Variants in PRRC2C observed in about 807,000 individuals in gnomAD.
PRRC2C encodes protein PRRC2C.
In PRRC2C, 72 loss-of-function variants were observed where a neutral mutation model predicts 317.2. The observed-to-expected ratio is 0.23, with a 90% CI of 0.19 to 0.28. PRRC2C has a LOEUF of 0.28. Among genes scored for constraint, PRRC2C ranks in the 10% least tolerant of loss-of-function variants. The pLI, the probability that PRRC2C is intolerant of heterozygous loss-of-function variation, is 1.00. For synonymous variants in PRRC2C, 1,296 were observed against 1,205.9 expected, an observed-to-expected ratio of 1.07 and a Z score of -1.55; for missense variants, 3,074 against 3,459.7, an observed-to-expected ratio of 0.89 and a Z score of 2.80.
At chr1:171,513,393 A>G (rs1156525199) in intron 3 of PRRC2C, 4 of 644,880 alleles carry the variant, frequency 6.2e-6, no homozygotes, top group Non-Finnish European at 8.4e-6. Flanking sequence ...GGGAATCACA[A>G]CCTTGCTTAT....
At chr1:171,492,738 T>TTTTATTTATTTA (rs58061201) in intron 1 of PRRC2C, among the ~76,000 whole-genome samples, 55,424 of 144,080 alleles carry the variant, frequency 0.38, 11,436 homozygotes, top group East Asian at 0.48. Flanking sequence ...ATTTTTTTAA[T>TTTTATTTATTTA]TTTATTTATT....
At chr1:171,508,928 C>T (rs1051599900) in intron 1 of PRRC2C, among the ~76,000 whole-genome samples, 1 of 151,792 alleles carries the variant, frequency 6.6e-6, no homozygotes, top group Non-Finnish European at 1.5e-5. Flanking sequence ...GCTCTGTCGC[C>T]CAGGCTGGAG....
intron 23 of PRRC2C, among the ~76,000 whole-genome samples, chr1:171,569,978 A>G (rs1454589612): frequency 6.6e-6 from 1 of 152,154 alleles, no homozygotes; most frequent in Non-Finnish European, 1.5e-5. Context: ...TAATGGAGCG[A>G]CTTATATACT....
intron 1 of PRRC2C, among the ~76,000 whole-genome samples, chr1:171,506,320 A>T (rs984517489): frequency 2.0e-5 from 3 of 152,088 alleles, no homozygotes; most frequent in Admixed American, 6.6e-5. Context: ...TTCTGCTGTT[A>T]TTCTGTTTCT....
Position 171,540,862 on chromosome 1 carries a change from A to G in PRRC2C, c.3396A>G (p.Pro1132=). The part of the protein sequence containing the change: ...KTVNQQTMAA[P]VVKEEKQPEK... ...TAAACCAACAGACTATGGCAGCACCAGTAGTCAAAGAAGAAAAACAACCTG... is the reference window on the plus strand; with the variant it reads ...TAAACCAACAGACTATGGCAGCACCGGTAGTCAAAGAAGAAAAACAACCTG... Residue 1132 remains proline (P), a synonymous_variant, in exon 16 of 35, where the codon CCA becomes CCG. Transcript: ENST00000647382. 6.2e-7 allele frequency: 1 copy of G among 1,613,722 alleles called. No individual in the cohort carries two copies. The highest frequency in any genetic ancestry group is 8.5e-7 in the Non-Finnish European group (1 of 1,179,800).
At chr1:171,503,489 A>G (rs1571618330) in intron 1 of PRRC2C, among the ~76,000 whole-genome samples, 1 of 151,660 alleles carries the variant, frequency 6.6e-6, no homozygotes, top group East Asian at 1.9e-4. Context: ...GCGCCACTGC[A>G]CTCCAGCTTG....
intron 2 of PRRC2C, 33 bp downstream of exon 2, chr1:171,512,233 A>G (rs754426584): frequency 4.2e-6 from 6 of 1,425,280 alleles, no homozygotes; most frequent in Non-Finnish European, 5.8e-6. Context: ...TATGTTTTTC[A>G]TGGTTTGTTT....
chr1:171,517,746 C>A lies in PRRC2C; in HGVS notation c.682C>A (p.Pro228Thr). 6.2e-7 allele frequency: 1 copy of A among 1,613,766 alleles called. No homozygotes were observed. Among genetic ancestry groups the A allele is most frequent in the Non-Finnish European group, 8.5e-7 (1 of 1,179,862 alleles). ...GGAAAAGAGGATAGCTTGTGGTCCT[C>A]CACAGGCTAAACTGAATGGACAGCA... ...VVEKRIACGP[P>T]QAKLNGQQAA... Residue 228 changes from proline (P) to threonine (T), a missense_variant, in exon 6 of 35, where the codon CCA becomes ACA. This residue lies in a region of PRRC2C where 237 missense variants were observed against 199.5 expected (regional missense o/e 1.19). Coordinates refer to ENST00000647382, the MANE Select transcript of PRRC2C (RefSeq NM_001387844.1).
rs1341290391 is a variant in PRRC2C at position 171,550,315 on chromosome 1, T to A, written c.5127+75T>A. On this transcript the variant is annotated intron_variant, in intron 18 of 34. Coordinates refer to ENST00000647382, the MANE Select transcript of PRRC2C (RefSeq NM_001387844.1). ...AAGTGTATCAGCAAATGTTCAAGGT[T>A]TTTATACTTGTCAAGGCTGTTTTCA... 5 of 1,324,964 alleles carry A rather than the reference T, an allele frequency of 3.8e-6. No individual in the cohort carries two copies. In the East Asian group the frequency reaches 1.3e-4, roughly 34 times the overall value. The allele number at this position is 1,324,964 out of a possible 1,614,324, so 82.1% of individuals were successfully genotyped here.
intron 1 of PRRC2C, chr1:171,511,654 G>A (rs904034412): frequency 1.3e-5 from 2 of 153,656 alleles, no homozygotes; most frequent in Non-Finnish European, 2.9e-5. Context: ...GAATGAAGAT[G>A]TTGTCCTGTC....
Position 171,591,477 on chromosome 1 carries a change from C to T in PRRC2C, c.8437-110C>T, listed in dbSNP as rs999736033. On this transcript the variant is annotated intron_variant, in intron 34 of 34. Coordinates refer to ENST00000647382, the MANE Select transcript of PRRC2C (RefSeq NM_001387844.1). ...GAGGTACTTTTGGCTTTGGCCAAAC[C>T]AGTGTGGGGAAAACTGATTTGTGAT... The T allele has an allele frequency of 7.3e-6, 10 of 1,364,696 alleles. No individual in the cohort carries two copies. The African/African-American group carries it at 1.2e-4, about 16-fold the overall frequency. The allele number at this position is 1,364,696 out of a possible 1,614,324, so 84.5% of individuals were successfully genotyped here.
Position 171,515,747 on chromosome 1 carries a change from T to C in PRRC2C, c.414T>C (p.Asn138=). The change falls in exon 5 of 35, where the codon AAT becomes AAC. Residue 138 remains asparagine, a synonymous_variant. Transcript: ENST00000647382. ...QGGQGDGIQV[N]SQFQQEFPSL... ...AAAAATCTATAGGAATCCAAGTGAA[T>C]AGTCAGTTTCAGCAAGAATTTCCCA... 2 of 1,603,120 alleles carry C rather than the reference T, an allele frequency of 1.2e-6. No individual in the cohort carries two copies. Among genetic ancestry groups the C allele is most frequent in the South Asian group, 1.1e-5 (1 of 89,916 alleles).
intron 20 of PRRC2C, 128 bp downstream of exon 20, chr1:171,561,231 A>G: frequency 3.3e-6 from 3 of 902,090 alleles, no homozygotes; most frequent in Non-Finnish European, 5.4e-6. Context: ...GGAGTTTGAG[A>G]CCAGCCTGGG....
intron 11 of PRRC2C, among the ~76,000 whole-genome samples, chr1:171,528,266 C>G (rs564318639): frequency 6.6e-6 from 1 of 151,094 alleles, no homozygotes; most frequent in Non-Finnish European, 1.5e-5. Context: ...TACCCTATTT[C>G]TCTGTTCTCC....
chr1:171,544,749 A>G (rs1678722381), intron 16 of PRRC2C, among the ~76,000 whole-genome samples: 1 of 152,218 alleles, frequency 6.6e-6, no homozygotes, highest in African/African-American at 2.4e-5. Flanking sequence ...AATGTTTTTT[A>G]TAAGAGCACC....
chr1:171,587,217 G>A lies in PRRC2C; in HGVS notation c.7964G>A (p.Gly2655Glu). The A allele has an allele frequency of 6.3e-7, 1 of 1,595,310 alleles. No homozygotes were observed. Among genetic ancestry groups the A allele is most frequent in the East Asian group, 2.3e-5 (1 of 44,370 alleles). Residue 2655 changes from glycine to glutamate, a missense_variant, in exon 31 of 35, where the codon GGA (glycine) becomes GAA (glutamate). Transcript: ENST00000647382. ...GTQHSMIATT[G>E]KMSEMELKAF... ...CAGCATAGCATGATTGCAACCACAG[G>A]AAAAGTAAGTAAAGAGACATTTGCA...
At chr1:171,535,780 C>T (rs1676709339) in intron 13 of PRRC2C, among the ~76,000 whole-genome samples, 183 bp downstream of exon 13, 1 of 152,154 alleles carries the variant, frequency 6.6e-6, no homozygotes. Context: ...TCCTTTTGAT[C>T]TTCTGCCTCA....
At chr1:171,589,254 TG>T (rs1650785710) in intron 33 of PRRC2C, 114 bp from the exon 34 acceptor site, 2 of 448,352 alleles carry the variant, frequency 4.5e-6, no homozygotes, top group Non-Finnish European at 7.6e-6. Flanking sequence ...TTCCTTTCAC[TG>T]GTAGGATGGG....
At chr1:171,488,171 G>A (rs1279842648) in intron 1 of PRRC2C, among the ~76,000 whole-genome samples, 1 of 152,124 alleles carries the variant, frequency 6.6e-6, no homozygotes, top group Non-Finnish European at 1.5e-5. Flanking sequence ...TGCTATTTAT[G>A]TCATATTTGT....
Sources: gnomAD v4.1 joint callset for allele counts (sites outside exome capture counted in the v4.1 genomes callset) on GRCh38, gnomAD v4.1.1 for gene constraint, gnomAD v4.1.1 regional missense constraint, MANE v1.5 for transcripts, NCBI Gene and HGNC (gene_info 2026-07-23, HGNC 2026-07-21) for gene names.